Variants in POLR3B observed in about 807,000 individuals in gnomAD.
The protein encoded by POLR3B is DNA-directed RNA polymerase III subunit RPC2.
Under a neutral mutation model 147.4 loss-of-function variants are expected in POLR3B, and 96 were observed. The observed-to-expected ratio is 0.65, with a 90% confidence interval of 0.55 to 0.77. The LOEUF is 0.77. Among genes scored for constraint, POLR3B ranks in the 30% least tolerant of loss-of-function variants. POLR3B has a pLI of 0.00. For synonymous variants in POLR3B, 461 were observed against 485.9 expected (o/e 0.95, Z 0.67); for missense variants, 1,036 against 1,413.5 (o/e 0.73, Z 4.28).
At chr12:106,379,178 A>T (rs1396789655) in intron 8 of POLR3B, among the ~76,000 whole-genome samples, 1 of 152,202 alleles carries the variant, frequency 6.6e-6, no homozygotes, top group Non-Finnish European at 1.5e-5. Context: ...CCATTTTACA[A>T]CTAACAGGCC....
chr12:106,405,843 TC>T lies in POLR3B; in HGVS notation c.847-13del. On this transcript the variant is annotated splice_polypyrimidine_tract_variant and intron_variant, in intron 10 of 27. Coordinates refer to ENST00000228347, the MANE Select transcript of POLR3B (RefSeq NM_018082.6). ...TGATGTCATTCAAACATTATTGTAA[TC>T]TGTTTTTTATAGGCATTAAAATATA... 6.2e-7 allele frequency: 1 copy of T among 1,611,608 alleles called. No individual in the cohort carries two copies. Among genetic ancestry groups the T allele is most frequent in the Non-Finnish European group, 8.5e-7 (1 of 1,177,908 alleles).
At chr12:106,404,132 C>A (rs757195716) in intron 10 of POLR3B, among the ~76,000 whole-genome samples, 3 of 150,050 alleles carry the variant, frequency 2.0e-5, no homozygotes, top group Non-Finnish European at 3.0e-5. Context: ...ACTCTGTCAC[C>A]CAGGCTGGAG....
intron 22 of POLR3B, among the ~76,000 whole-genome samples, chr12:106,462,218 A>G (rs1309964986): frequency 6.6e-6 from 1 of 151,764 alleles, no homozygotes; most frequent in African/African-American, 2.4e-5. Flanking sequence ...CCAGGCTGGT[A>G]CCACTCAGGG....
chr12:106,431,043 C>G (rs948259388), intron 14 of POLR3B, among the ~76,000 whole-genome samples: 1 of 152,152 alleles, frequency 6.6e-6, no homozygotes, highest in African/African-American at 2.4e-5. Flanking sequence ...TCACTTGATT[C>G]TATTCCTTCT....
chr12:106,380,105 T>C lies in POLR3B; in HGVS notation c.689T>C (p.Leu230Ser). The C allele has an allele frequency of 6.2e-7, 1 of 1,609,428 alleles. No homozygotes were observed. Among genetic ancestry groups the C allele is most frequent in the Non-Finnish European group, 8.5e-7 (1 of 1,175,950 alleles). The part of the protein sequence containing the change: ...QGRFYLRHNT[L>S]SEDIPIVIIF... The stretch of plus-strand genomic sequence containing the variant: ...CGATTTTATTTGAGGCATAATACTT[T>C]GTCAGAAGATATACCCATTGTCATC... The change falls in exon 9 of 28, where the codon TTG becomes TCG. Residue 230 changes from leucine to serine, a missense_variant. Physicochemically the swap from Leu to Ser is moderately radical, Grantham distance 145. Coordinates refer to ENST00000228347, the MANE Select transcript of POLR3B (RefSeq NM_018082.6).
At chr12:106,455,687 C>T (rs1236840364) in intron 20 of POLR3B, among the ~76,000 whole-genome samples, 1 of 152,186 alleles carries the variant, frequency 6.6e-6, no homozygotes, top group Non-Finnish European at 1.5e-5. Context: ...ACATTGCACT[C>T]CAGCATGTTG....
intron 23 of POLR3B, among the ~76,000 whole-genome samples, chr12:106,486,662 T>G (rs2038345093): frequency 6.6e-6 from 1 of 152,182 alleles, no homozygotes; most frequent in Admixed American, 6.5e-5. Flanking sequence ...AATACTACCC[T>G]CATACAGCAT....
At chr12:106,507,932 AC>A in intron 27 of POLR3B, 1 of 380,096 alleles carries the variant, frequency 2.6e-6, no homozygotes, top group Non-Finnish European at 5.2e-6. Context: ...AGAGATGACC[AC>A]TATTAACATT....
intron 23 of POLR3B, among the ~76,000 whole-genome samples, chr12:106,493,863 A>G (rs1334944537): frequency 6.6e-6 from 1 of 152,238 alleles, no homozygotes; most frequent in Non-Finnish European, 1.5e-5. Context: ...GCTGTCTGCT[A>G]TGGGAACCAT....
rs1428652388 is a variant in POLR3B at position 106,457,187 on chromosome 12, A to G, written c.2343A>G (p.Arg781=). Residue 781 remains arginine, a synonymous_variant, in exon 21 of 28, where the codon CGA becomes CGG. Coordinates refer to ENST00000228347, the MANE Select transcript of POLR3B (RefSeq NM_018082.6). ...AAAATGCTAAATGTACGTTGAAACG[A>G]TACACCAATCAGACTTTTGATAAAG... ...VYKNAKCTLK[R]YTNQTFDKVM... 6 of 1,613,056 alleles carry G rather than the reference A, an allele frequency of 3.7e-6. No individual in the cohort carries two copies. The African/African-American group carries it at 4.0e-5, about 11-fold the overall frequency.
intron 10 of POLR3B, among the ~76,000 whole-genome samples, chr12:106,400,028 C>A (rs1470497476): frequency 6.6e-6 from 1 of 152,186 alleles, no homozygotes; most frequent in African/African-American, 2.4e-5. Flanking sequence ...AATTAAAAGA[C>A]ACAGACTGGC....
intron 9 of POLR3B, among the ~76,000 whole-genome samples, chr12:106,388,889 T>A (rs2036878174): frequency 6.6e-6 from 1 of 152,260 alleles, no homozygotes; most frequent in Non-Finnish European, 1.5e-5. Flanking sequence ...TTTGTAGATA[T>A]CTAAAAAGAC....
chr12:106,466,880 T>C lies in POLR3B; in HGVS notation c.2713+3260T>C, dbSNP rs1025987781. Among the ~76,000 whole-genome samples, 4 of 152,212 alleles carry C rather than the reference T, an allele frequency of 2.6e-5. No homozygotes were observed. The South Asian group carries it at 8.3e-4, about 32-fold the overall frequency. On this transcript the variant is annotated intron_variant, in intron 23 of 27. Transcript: ENST00000228347. ...CCTTGTAGTATAGTTTGAAGTCAGG[T>C]AGCCTGATGCCTCCAGCTTTGTTCT...
rs76047849 is a variant in POLR3B at position 106,493,728 on chromosome 12, G to A, written c.2714-2327G>A. Among the ~76,000 whole-genome samples the A allele has an allele frequency of 4.7e-3, 719 of 152,288 alleles. 5 individuals carry two copies. The highest frequency in any genetic ancestry group is 0.017 in the African/African-American group (690 of 41,560). On this transcript the variant is annotated intron_variant, in intron 23 of 27. Coordinates refer to ENST00000228347, the MANE Select transcript of POLR3B (RefSeq NM_018082.6). ...TTGGATGTGTAGCTTCCATTGTTCC[G>A]CAAGTCAGCAGAGGGTAGAAGCCGC...
chr12:106,398,872 A>G (rs893077126), intron 10 of POLR3B, among the ~76,000 whole-genome samples: 2 of 152,188 alleles, frequency 1.3e-5, no homozygotes, highest in African/African-American at 4.8e-5. Flanking sequence ...ATGAAACCAC[A>G]AAGATGGGGA....
intron 23 of POLR3B, among the ~76,000 whole-genome samples, chr12:106,470,275 T>A (rs1217279660): frequency 6.6e-6 from 1 of 152,118 alleles, no homozygotes; most frequent in Non-Finnish European, 1.5e-5. Context: ...TTCACGAAGT[T>A]CTCGTACTGT....
intron 12 of POLR3B, among the ~76,000 whole-genome samples, chr12:106,425,681 G>A (rs2037426069): frequency 1.3e-5 from 2 of 152,172 alleles, no homozygotes; most frequent in Admixed American, 1.3e-4. Flanking sequence ...AGGAACTTGT[G>A]AGTGGGAGTG....
intron 23 of POLR3B, among the ~76,000 whole-genome samples, chr12:106,481,616 A>G (rs965775936): frequency 2.6e-5 from 4 of 152,160 alleles, no homozygotes; most frequent in African/African-American, 7.2e-5. Context: ...TCAGCTTTCA[A>G]AGTTGTAGAA....
chr12:106,381,150 G>A (rs1357082133), intron 9 of POLR3B, among the ~76,000 whole-genome samples: 5 of 152,234 alleles, frequency 3.3e-5, no homozygotes, highest in African/African-American at 7.2e-5. Flanking sequence ...TGACTAATCA[G>A]AGTGGTGGTT....
Sources: allele counts gnomAD v4.1 joint callset (sites outside exome capture counted in the v4.1 genomes callset), GRCh38; gene constraint gnomAD v4.1.1; transcripts MANE v1.5; gene names NCBI Gene and HGNC (gene_info 2026-07-23, HGNC 2026-07-21).